Variants in EFCAB5 observed in about 807,000 individuals in gnomAD.
EFCAB5 encodes EF-hand calcium-binding domain-containing protein 5.
EFCAB5 carries 131 observed loss-of-function variants against 167.9 expected under a neutral mutation model. That is an observed-to-expected ratio of 0.78 (90% CI 0.68 to 0.90). EFCAB5 has a LOEUF of 0.90. Among genes scored for constraint, EFCAB5 ranks in the 40% least tolerant of loss-of-function variants. EFCAB5 has a pLI of 0.00. For missense variants in EFCAB5, 1,663 were observed against 1,745.2 expected, an observed-to-expected ratio of 0.95 and a Z score of 0.84; for synonymous variants, 574 against 602.8, an observed-to-expected ratio of 0.95 and a Z score of 0.70.
chr17:29,969,464 G>A, intron 4 of EFCAB5, 97 bp downstream of exon 4: 1 of 1,076,582 alleles, frequency 9.3e-7, no homozygotes, highest in Non-Finnish European at 1.3e-6. Flanking sequence ...TAAAACAAGT[G>A]ATTCTACAGT....
chr17:30,026,622 T>C (rs2069330412), intron 7 of EFCAB5, among the ~76,000 whole-genome samples: 1 of 152,228 alleles, frequency 6.6e-6, no homozygotes, highest in Non-Finnish European at 1.5e-5. Flanking sequence ...TAGTTGTACA[T>C]GTTCCTCTCA....
At chr17:30,085,464 T>C (rs1344315692) in intron 18 of EFCAB5, among the ~76,000 whole-genome samples, 1 of 152,238 alleles carries the variant, frequency 6.6e-6, no homozygotes, top group Non-Finnish European at 1.5e-5. Context: ...CTCACGCCTG[T>C]AATCCCAGCA....
intron 4 of EFCAB5, among the ~76,000 whole-genome samples, chr17:29,975,172 C>G (rs1597607059): frequency 6.6e-6 from 1 of 152,178 alleles, no homozygotes; most frequent in East Asian, 1.9e-4. Context: ...GACCTTTTGT[C>G]TAAATGGTAT....
At chr17:29,959,512 G>A (rs915234789) in intron 3 of EFCAB5, among the ~76,000 whole-genome samples, 4 of 152,084 alleles carry the variant, frequency 2.6e-5, no homozygotes, top group Non-Finnish European at 5.9e-5. Flanking sequence ...GGCTACCACT[G>A]ATGTTTATTC....
At chr17:30,047,724 A>T (rs1041731382) in intron 8 of EFCAB5, among the ~76,000 whole-genome samples, 4 of 152,204 alleles carry the variant, frequency 2.6e-5, no homozygotes, top group African/African-American at 9.7e-5. Context: ...AATTAAATGG[A>T]TATAATGCCT....
Position 29,968,853 on chromosome 17 carries a change from G to T in EFCAB5, c.253G>T (p.Ala85Ser), listed in dbSNP as rs2067888123. The part of the protein sequence containing the change: ...PGSIKDSKTE[A>S]SGNIAIRKSA... ...TTCAATAAAGGACTCTAAAACTGAAGCCTCAGGTAATATTGCAATTAGAAA... is the reference window on the plus strand; with the variant it reads ...TTCAATAAAGGACTCTAAAACTGAATCCTCAGGTAATATTGCAATTAGAAA... The change falls in exon 4 of 23, where the codon GCC becomes TCC. Residue 85 changes from alanine (A) to serine (S), a missense_variant. Physicochemically the swap from Ala to Ser is moderately conservative, Grantham distance 99. Coordinates refer to ENST00000394835, the MANE Select transcript of EFCAB5 (RefSeq NM_198529.4). The T allele has an allele frequency of 1.3e-6, 2 of 1,554,500 alleles. No individual in the cohort carries two copies. The highest frequency in any genetic ancestry group is 1.7e-6 in the Non-Finnish European group (2 of 1,149,698).
chr17:30,069,644 C>T (rs535177171), intron 14 of EFCAB5: 11 of 1,598,684 alleles, frequency 6.9e-6, no homozygotes, highest in African/African-American at 1.3e-5. Flanking sequence ...GCCTGGGCCA[C>T]GGGGGCCCAG....
chr17:30,029,071 T>A (rs918407671), intron 7 of EFCAB5, among the ~76,000 whole-genome samples: 1 of 152,224 alleles, frequency 6.6e-6, no homozygotes, highest in African/African-American at 2.4e-5. Context: ...GGCACATTTT[T>A]AATTTGTCAT....
chr17:30,088,995 G>T (rs1472184351), intron 19 of EFCAB5, among the ~76,000 whole-genome samples: 2 of 151,900 alleles, frequency 1.3e-5, no homozygotes, highest in East Asian at 1.9e-4. Context: ...TAACGTGCAG[G>T]TTTGTTACAT....
chr17:29,984,457 C>T (rs551483960), intron 4 of EFCAB5, among the ~76,000 whole-genome samples: 2 of 152,196 alleles, frequency 1.3e-5, no homozygotes, highest in African/African-American at 4.8e-5. Context: ...TGGTGGCTTA[C>T]ACCTGTAATC....
In EFCAB5 at chr17:30,078,197, C is replaced by G; in HGVS notation, c.2738-18C>G. The G allele has an allele frequency of 6.3e-7, 1 of 1,592,474 alleles. No homozygotes were observed. The highest frequency in any genetic ancestry group is 1.1e-5 in the South Asian group (1 of 88,428). Reference sequence around the variant, plus strand: ...TGAACTTTTGGTTAGTTCTTGGTTTCGTGTTTGTGTCTTTTAGCTAAACTA... The same window carrying G: ...TGAACTTTTGGTTAGTTCTTGGTTTGGTGTTTGTGTCTTTTAGCTAAACTA... On this transcript the variant is annotated intron_variant, in intron 14 of 22. Transcript: ENST00000394835.
chr17:30,069,227 G>T (rs2070662404), intron 14 of EFCAB5: 2 of 1,547,068 alleles, frequency 1.3e-6, no homozygotes, highest in Non-Finnish European at 8.9e-7. Flanking sequence ...CCCTGCCACT[G>T]AAGAACATCC....
intron 4 of EFCAB5, among the ~76,000 whole-genome samples, chr17:29,971,603 C>A (rs907583068): frequency 1.3e-5 from 2 of 152,064 alleles, no homozygotes; most frequent in African/African-American, 4.8e-5. Context: ...TTATCAAATG[C>A]TTTTTCAACA....
chr17:30,034,198 C>A, intron 7 of EFCAB5, 32 bp from the exon 8 acceptor site: 3 of 1,606,550 alleles, frequency 1.9e-6, no homozygotes, highest in South Asian at 2.2e-5. Flanking sequence ...GGTTTTAAGT[C>A]AATCGTTTAT....
intron 14 of EFCAB5, among the ~76,000 whole-genome samples, chr17:30,065,870 AT>A (rs1464083645): frequency 6.6e-6 from 1 of 152,244 alleles, no homozygotes; most frequent in African/African-American, 2.4e-5. Flanking sequence ...AGGTCATTAT[AT>A]AATGATAAAG....
At chr17:29,955,490 ATGAT>A (rs1223201604) in intron 3 of EFCAB5, among the ~76,000 whole-genome samples, 3 of 151,928 alleles carry the variant, frequency 2.0e-5, no homozygotes, top group African/African-American at 7.3e-5. Flanking sequence ...GCTTTCCACC[ATGAT>A]TGTGAGGCCT....
intron 4 of EFCAB5, among the ~76,000 whole-genome samples, chr17:29,985,834 T>C (rs1182154360): frequency 2.6e-5 from 4 of 152,158 alleles, no homozygotes; most frequent in Admixed American, 2.0e-4. Context: ...GCAGAGATTT[T>C]GTTTATGGCC....
chr17:29,959,213 CTG>C (rs895295619), intron 3 of EFCAB5, among the ~76,000 whole-genome samples: 1 of 151,728 alleles, frequency 6.6e-6, no homozygotes, highest in Non-Finnish European at 1.5e-5. Flanking sequence ...TAAATTCAGC[CTG>C]TGTCTTTCCC....
At chr17:30,016,692 A>G (rs1273730878) in intron 7 of EFCAB5, among the ~76,000 whole-genome samples, 1 of 152,224 alleles carries the variant, frequency 6.6e-6, no homozygotes, top group Non-Finnish European at 1.5e-5. Flanking sequence ...CAATTGGAAA[A>G]CAATAAACTT....
Sources: allele counts gnomAD v4.1 joint callset (sites outside exome capture counted in the v4.1 genomes callset), GRCh38; gene constraint gnomAD v4.1.1; transcripts MANE v1.5; gene names NCBI Gene and HGNC (gene_info 2026-07-23, HGNC 2026-07-21).